SORCS2: variants seen among roughly 807,000 people sequenced by gnomAD.
The protein encoded by SORCS2 is VPS10 domain-containing receptor SorCS2.
In SORCS2, 100 loss-of-function variants were observed where a neutral mutation model predicts 141.6. The observed-to-expected ratio is 0.71, with a 90% CI of 0.60 to 0.83. The LOEUF (loss-of-function observed/expected upper bound fraction) is 0.83, where lower values mean the gene tolerates loss of function less well. Ranked by LOEUF, SORCS2 falls within the 40% of genes least tolerant of loss-of-function variation. The pLI is 0.00. For missense variants in SORCS2, 1,646 were observed against 1,560.2 expected, an observed-to-expected ratio of 1.05 and a Z score of -0.93; for synonymous variants, 789 against 676.9, an observed-to-expected ratio of 1.17 and a Z score of -2.57.
At chr4:7,235,548 C>A (rs1461055129) in intron 1 of SORCS2, among the ~76,000 whole-genome samples, 1 of 152,200 alleles carries the variant, frequency 6.6e-6, no homozygotes, top group Non-Finnish European at 1.5e-5. Context: ...GATGGGGAGC[C>A]CCCAGAGGTG....
At chr4:7,474,565 T>C (rs1730175979) in intron 2 of SORCS2, among the ~76,000 whole-genome samples, 1 of 152,134 alleles carries the variant, frequency 6.6e-6, no homozygotes. Context: ...AGTCCCCAGC[T>C]CTGTGAATTC....
chr4:7,603,493 A>G (rs1470010978), intron 3 of SORCS2, among the ~76,000 whole-genome samples: 2 of 152,180 alleles, frequency 1.3e-5, no homozygotes, highest in Non-Finnish European at 2.9e-5. Flanking sequence ...TTCAACCTCA[A>G]TTATGATGTC....
intron 12 of SORCS2, among the ~76,000 whole-genome samples, chr4:7,701,323 C>G (rs1361163120): frequency 6.6e-6 from 1 of 152,084 alleles, no homozygotes; most frequent in African/African-American, 2.4e-5. Context: ...GCTGCTCACC[C>G]TCCATCATTT....
intron 3 of SORCS2, among the ~76,000 whole-genome samples, chr4:7,629,825 C>T (rs1206289869): frequency 6.6e-6 from 1 of 152,112 alleles, no homozygotes; most frequent in African/African-American, 2.4e-5. Context: ...TCAGCTTCAT[C>T]TCCCCCAAAC....
At chr4:7,712,666 A>G (rs1725901722) in intron 14 of SORCS2, 67 bp from the exon 15 acceptor site, 1 of 1,603,364 alleles carries the variant, frequency 6.2e-7, no homozygotes, top group Non-Finnish European at 8.5e-7. Context: ...AGGGGACATG[A>G]TTTGCACAGT....
At chr4:7,338,844 C>T (rs1172593762) in intron 1 of SORCS2, among the ~76,000 whole-genome samples, 1 of 152,224 alleles carries the variant, frequency 6.6e-6, no homozygotes, top group Non-Finnish European at 1.5e-5. Context: ...TGTTTCAAAG[C>T]TGTTGCTCCT....
chr4:7,283,585 G>A (rs1462809341), intron 1 of SORCS2, among the ~76,000 whole-genome samples: 1 of 152,146 alleles, frequency 6.6e-6, no homozygotes, highest in Non-Finnish European at 1.5e-5. Context: ...ATTTGATTTC[G>A]GCCACTGCTT....
At chr4:7,587,913 T>C (rs1716648905) in intron 3 of SORCS2, among the ~76,000 whole-genome samples, 1 of 152,174 alleles carries the variant, frequency 6.6e-6, no homozygotes, top group African/African-American at 2.4e-5. Context: ...AACAAAAAGA[T>C]GGATTGCTTT....
intron 3 of SORCS2, among the ~76,000 whole-genome samples, chr4:7,634,397 G>A (rs988051422): frequency 6.6e-6 from 1 of 151,864 alleles, no homozygotes; most frequent in African/African-American, 2.4e-5. Flanking sequence ...AACCTAGGGA[G>A]GGAGGAGGAT....
At chr4:7,370,876 C>A (rs949844466) in intron 1 of SORCS2, among the ~76,000 whole-genome samples, 3 of 152,196 alleles carry the variant, frequency 2.0e-5, no homozygotes, top group African/African-American at 7.2e-5. Context: ...AGCTGCCTGC[C>A]TAGCACGTCC....
At chr4:7,631,163 C>A (rs1430929333) in intron 3 of SORCS2, among the ~76,000 whole-genome samples, 1 of 150,532 alleles carries the variant, frequency 6.6e-6, no homozygotes, top group African/African-American at 2.5e-5. Flanking sequence ...TGGAGCCCTG[C>A]CAGAGGAAGA....
intron 3 of SORCS2, among the ~76,000 whole-genome samples, chr4:7,626,044 G>A (rs2108838206): frequency 6.6e-6 from 1 of 152,234 alleles, no homozygotes; most frequent in Non-Finnish European, 1.5e-5. Context: ...CGACTCAGAA[G>A]GCTGAGGCGG....
Position 7,664,480 on chromosome 4 carries a change from G to T in SORCS2, c.1071+9G>T. The T allele has an allele frequency of 6.4e-7, 1 of 1,569,074 alleles. No homozygotes were observed. Among genetic ancestry groups the T allele is most frequent in the Non-Finnish European group, 8.7e-7 (1 of 1,153,216 alleles). ...ATTACATCTTCTTTAAGGTAAGGTT[G>T]CTTCTGGGGCTTTTGGAAATTGGCA... On this transcript the variant is annotated intron_variant, in intron 7 of 26. Transcript: ENST00000507866. This position sits in a 1 kb window ranked among gnomAD's most constrained non-coding sequence, Gnocchi z 4.7.
At chr4:7,531,284 CT>C (rs1711614913) in intron 2 of SORCS2, among the ~76,000 whole-genome samples, 1 of 152,200 alleles carries the variant, frequency 6.6e-6, no homozygotes, top group Admixed American at 6.5e-5. Context: ...AAGGACCTGA[CT>C]TTGGATCCTA....
At chr4:7,577,596 G>T (rs1201852313) in intron 3 of SORCS2, among the ~76,000 whole-genome samples, 1 of 149,254 alleles carries the variant, frequency 6.7e-6, no homozygotes, top group Non-Finnish European at 1.5e-5. Flanking sequence ...AAGTCAGCTA[G>T]TGCCATGGTT....
Position 7,427,641 on chromosome 4 carries a change from TGCTG to T in SORCS2, c.548+31288_548+31291del, listed in dbSNP as rs575687489. ...ATGCAGGACACCCCAGGAGGTGGGG[TGCTG>T]GGATCTGCTTCGTGTGAGACTCGGG... On this transcript the variant is annotated intron_variant, in intron 2 of 26. Coordinates refer to ENST00000507866, the MANE Select transcript of SORCS2 (RefSeq NM_020777.3). 3.2e-3 allele frequency among the ~76,000 whole-genome samples: 482 copies of T among 152,050 alleles called. 2 individuals are homozygous for T. Among genetic ancestry groups the T allele is most frequent in the Non-Finnish European group, 4.4e-3 (298 of 67,964 alleles).
intron 14 of SORCS2, among the ~76,000 whole-genome samples, chr4:7,711,949 T>C (rs1725848561): frequency 6.6e-6 from 1 of 152,098 alleles, no homozygotes; most frequent in African/African-American, 2.4e-5. Context: ...TGGAGCTACC[T>C]GGGCTGAGGG....
At chr4:7,250,268 AAAG>A (rs1713403320) in intron 1 of SORCS2, among the ~76,000 whole-genome samples, 1 of 151,972 alleles carries the variant, frequency 6.6e-6, no homozygotes, top group African/African-American at 2.4e-5. Flanking sequence ...AGAAAGAAAG[AAAG>A]AAGGTGAAGG....
chr4:7,579,221 A>G (rs1013681961), intron 3 of SORCS2, among the ~76,000 whole-genome samples: 14 of 152,190 alleles, frequency 9.2e-5, no homozygotes, highest in African/African-American at 3.4e-4. Flanking sequence ...TTTCCCATCC[A>G]TAAATAATGA....
Sources: gnomAD v4.1 joint callset for allele counts (sites outside exome capture counted in the v4.1 genomes callset) on GRCh38, gnomAD v4.1.1 for gene constraint, Gnocchi (gnomAD v3.1) non-coding constraint, MANE v1.5 for transcripts, NCBI Gene and HGNC (gene_info 2026-07-23, HGNC 2026-07-21) for gene names.